ABCB1: variants seen among roughly 807,000 people sequenced by gnomAD.
The protein encoded by ABCB1 is ATP-dependent translocase ABCB1.
A neutral mutation model predicts 142.0 loss-of-function variants in ABCB1; 69 were observed. The ratio of observed to expected loss-of-function variants is 0.49; its 90% CI spans 0.40 to 0.59. The LOEUF (loss-of-function observed/expected upper bound fraction) is 0.59, where lower values mean the gene tolerates loss of function less well. Among genes scored for constraint, ABCB1 ranks in the 20% least tolerant of loss-of-function variants. The pLI is 0.00. For missense variants in ABCB1, 1,326 were observed against 1,554.7 expected (o/e 0.85, Z 2.47); for synonymous variants, 532 against 539.2 (o/e 0.99, Z 0.18).
At chr7:87,629,416 G>A (rs1820975236) in intron 1 of ABCB1, 1 of 152,958 alleles carries the variant, frequency 6.5e-6, no homozygotes, top group Admixed American at 6.5e-5. Flanking sequence ...TTAGTTGAGT[G>A]CCTACTACAT....
chr7:87,563,470 T>A (rs1365106611), intron 7 of ABCB1: 2 of 402,678 alleles, frequency 5.0e-6, no homozygotes, highest in Non-Finnish European at 1.0e-5. Flanking sequence ...TCTACCATGA[T>A]CAAGTAGGCT....
chr7:87,507,376 C>T (rs1367540777), intron 26 of ABCB1, among the ~76,000 whole-genome samples: 1 of 152,222 alleles, frequency 6.6e-6, no homozygotes, highest in Admixed American at 6.5e-5. Context: ...AACAGTATTA[C>T]CTGGGCTCTT....
At chr7:87,568,910 GT>G (rs28381843) in intron 5 of ABCB1, among the ~76,000 whole-genome samples, 276 of 152,216 alleles carry the variant, frequency 1.8e-3, no homozygotes, top group South Asian at 3.9e-3. Flanking sequence ...GTCAGTGTAT[GT>G]TTACTCAAAA....
At chr7:87,504,618 A>G (rs1814644404) in intron 27 of ABCB1, among the ~76,000 whole-genome samples, 169 bp from the exon 28 acceptor site, 2 of 152,180 alleles carry the variant, frequency 1.3e-5, no homozygotes, top group African/African-American at 2.4e-5. Context: ...ATCCTGGCTA[A>G]CACGGTGAAA....
At chr7:87,612,908 C>G (rs576247000) in intron 1 of ABCB1, among the ~76,000 whole-genome samples, 252 of 151,764 alleles carry the variant, frequency 1.7e-3, no homozygotes, top group Non-Finnish European at 2.5e-3. Flanking sequence ...GGATGTATTT[C>G]CATTTGTTTG....
chr7:87,545,766 T>C, intron 15 of ABCB1, 97 bp downstream of exon 15: 1 of 1,342,730 alleles, frequency 7.4e-7, no homozygotes, highest in East Asian at 2.4e-5. Context: ...TCCTACTTTG[T>C]AAGGTAATCA....
chr7:87,622,267 G>A (rs1820251139), intron 1 of ABCB1, among the ~76,000 whole-genome samples: 1 of 151,802 alleles, frequency 6.6e-6, no homozygotes, highest in Non-Finnish European at 1.5e-5. Context: ...AATATTTTTT[G>A]GAAAATATGG....
chr7:87,631,250 AT>A (rs1265662768), intron 1 of ABCB1, among the ~76,000 whole-genome samples: 2 of 152,240 alleles, frequency 1.3e-5, no homozygotes, highest in African/African-American at 4.8e-5. Flanking sequence ...ACTATAGGCC[AT>A]TTGTACATTT....
intron 1 of ABCB1, chr7:87,693,970 TG>T: frequency 6.2e-7 from 1 of 1,611,618 alleles, no homozygotes. Flanking sequence ...TACTCTATGC[TG>T]GTGATGTCTC....
intron 3 of ABCB1, among the ~76,000 whole-genome samples, chr7:87,587,835 A>G (rs1229987114): frequency 1.4e-5 from 2 of 147,254 alleles, no homozygotes; most frequent in African/African-American, 2.5e-5. Flanking sequence ...AGATCGCACC[A>G]CTGCACTCCA....
chr7:87,573,797 A>G (rs538938454), intron 4 of ABCB1, among the ~76,000 whole-genome samples: 1 of 152,284 alleles, frequency 6.6e-6, no homozygotes, highest in South Asian at 2.1e-4. Context: ...TCATTTCAGT[A>G]GCTAGAGCAC....
At chr7:87,565,248 A>G (rs559732631) in intron 7 of ABCB1, among the ~76,000 whole-genome samples, 1 of 152,328 alleles carries the variant, frequency 6.6e-6, no homozygotes, top group South Asian at 2.1e-4. Context: ...TTGGTTGTCC[A>G]TTCATTACTT....
chr7:87,550,629 A>G (rs1255026543), intron 10 of ABCB1, 51 bp from the exon 11 acceptor site: 15 of 1,584,414 alleles, frequency 9.5e-6, no homozygotes, highest in Non-Finnish European at 1.1e-5. Context: ...AACTACTTTT[A>G]GTGATATTTT....
chr7:87,645,506 A>G (rs1822911850), intron 1 of ABCB1, among the ~76,000 whole-genome samples: 1 of 152,190 alleles, frequency 6.6e-6, no homozygotes, highest in African/African-American at 2.4e-5. Flanking sequence ...AGTCTCTTTT[A>G]TATAAACTTT....
chr7:87,621,548 CTTTTA>C (rs921912657), intron 1 of ABCB1, among the ~76,000 whole-genome samples: 6 of 151,924 alleles, frequency 3.9e-5, no homozygotes, highest in African/African-American at 1.5e-4. Context: ...TTGGTAAACA[CTTTTA>C]TTATCTTACC....
At chr7:87,515,789 G>A (rs935516951) in intron 24 of ABCB1, among the ~76,000 whole-genome samples, 1 of 151,478 alleles carries the variant, frequency 6.6e-6, no homozygotes. Context: ...TTGAGATGGA[G>A]TTTCACCATA....
rs374119537 is a variant in ABCB1 at position 87,673,341 on chromosome 7, C to G, written c.-331+39820G>C. On this transcript the variant is annotated intron_variant, in intron 1 of 28. Coordinates refer to the ABCB1 transcript ENST00000265724. ...CAATTTCCTTGCTTTGTCTCCCTCTCTTTCAGGGATGGCAATGAATCACAT... is the reference window on the plus strand; with the variant it reads ...CAATTTCCTTGCTTTGTCTCCCTCTGTTTCAGGGATGGCAATGAATCACAT... Among the ~76,000 whole-genome samples the G allele has an allele frequency of 3.7e-4, 57 of 152,302 alleles. No homozygotes were observed. The South Asian group carries it at 0.011, about 30-fold the overall frequency.
In ABCB1 at chr7:87,544,906, T is replaced by A; in HGVS notation, c.1981A>T (p.Ser661Cys). ...CGAGTTGATCTTTTTCTTATTAGAC[T>A]GGATCTTGAATCATTTGAAGACATT... The part of the protein sequence containing the change: ...LEMSSNDSRS[S>C]LIRKRSTRRS... The change falls in exon 16 of 28, where the codon AGT (serine) becomes TGT (cysteine). Residue 661 changes from serine to cysteine, a missense_variant. By Grantham distance (112) the Ser-to-Cys change is moderately radical (BLOSUM62 -1). Coordinates refer to ENST00000622132, the MANE Select transcript of ABCB1 (RefSeq NM_001348946.2). 6.2e-7 allele frequency: 1 copy of A among 1,614,154 alleles called. No homozygotes were observed. Among genetic ancestry groups the A allele is most frequent in the South Asian group, 1.1e-5 (1 of 91,084 alleles).
chr7:87,657,119 TAAG>T (rs1330997166), intron 1 of ABCB1, among the ~76,000 whole-genome samples: 1 of 152,034 alleles, frequency 6.6e-6, no homozygotes, highest in Non-Finnish European at 1.5e-5. Context: ...AAAACAAACA[TAAG>T]AAGACTCTGA....
Sources: gnomAD v4.1 joint callset for allele counts (sites outside exome capture counted in the v4.1 genomes callset) on GRCh38, gnomAD v4.1.1 for gene constraint, MANE v1.5 for transcripts, NCBI Gene and HGNC (gene_info 2026-07-23, HGNC 2026-07-21) for gene names.